Variants in CYP2B6 observed in about 807,000 individuals in gnomAD.
The protein encoded by CYP2B6 is cytochrome P450 2B6.
A neutral mutation model predicts 43.4 loss-of-function variants in CYP2B6; 35 were observed. The ratio of observed to expected loss-of-function variants is 0.81; its 90% CI spans 0.62 to 1.07. The LOEUF is 1.07. Ranked by LOEUF, CYP2B6 falls within the 50% of genes least tolerant of loss-of-function variation. The pLI, the probability that CYP2B6 is intolerant of heterozygous loss-of-function variation, is 0.00. For synonymous variants in CYP2B6, 239 were observed against 239.2 expected, an observed-to-expected ratio of 1.00 and a Z score of 0.01; for missense variants, 624 against 632.8, an observed-to-expected ratio of 0.99 and a Z score of 0.15.
intron 1 of CYP2B6, among the ~76,000 whole-genome samples, chr19:40,999,427 T>G (rs1173991978): frequency 6.6e-6 from 1 of 152,050 alleles, no homozygotes; most frequent in Non-Finnish European, 1.5e-5. Flanking sequence ...TTAGTTTAAT[T>G]AGATCCCATT....
Position 40,991,512 on chromosome 19 carries a change from G to C in CYP2B6, c.171+36G>C, listed in dbSNP as rs780768115. On this transcript the variant is annotated intron_variant, in intron 1 of 8. Transcript: ENST00000324071. ...GACGAATGGGGTCTGAGGGTGAGCT[G>C]CTTCTTGCCTTGGTACTTGGGGAAG... The C allele has an allele frequency of 1.9e-6, 3 of 1,609,820 alleles. No individual in the cohort carries two copies. The East Asian group carries it at 6.7e-5, about 36-fold the overall frequency.
intron 8 of CYP2B6, among the ~76,000 whole-genome samples, chr19:41,014,809 AGT>A (rs1323517883): frequency 6.6e-6 from 1 of 151,386 alleles, no homozygotes; most frequent in African/African-American, 2.4e-5. Context: ...AGAGAGAGAG[AGT>A]CACGTAAGGA....
chr19:41,006,991 C>A lies in CYP2B6; in HGVS notation c.571C>A (p.Gln191Lys), dbSNP rs759826195. ...SIVFGKRFHYQDQEFLKMLNL... is the reference protein window; with the variant it reads ...SIVFGKRFHYKDQEFLKMLNL... ...CGTCTTTGGAAAACGATTCCACTAC[C>A]AAGATCAAGAGTTCCTGAAGATGCT... Residue 191 changes from glutamine (Q) to lysine (K), a missense_variant, in exon 4 of 9, where the codon CAA (glutamine) becomes AAA (lysine). Gln to Lys is a moderately conservative substitution (Grantham distance 53). Coordinates refer to ENST00000324071, the MANE Select transcript of CYP2B6 (RefSeq NM_000767.5). 1.2e-6 allele frequency: 2 copies of A among 1,613,898 alleles called. No homozygotes were observed. The highest frequency in any genetic ancestry group is 1.7e-6 in the Non-Finnish European group (2 of 1,180,000).
chr19:40,996,796 A>G (rs1969005794), intron 1 of CYP2B6, among the ~76,000 whole-genome samples: 1 of 152,110 alleles, frequency 6.6e-6, no homozygotes, highest in African/African-American at 2.4e-5. Flanking sequence ...ACAGACTCTA[A>G]AGTACAAATT....
intron 6 of CYP2B6, among the ~76,000 whole-genome samples, chr19:41,011,164 G>T (rs1417039847): frequency 1.3e-5 from 2 of 151,946 alleles, no homozygotes; most frequent in Admixed American, 6.6e-5. Flanking sequence ...TACGAACTAG[G>T]TTTCACTCTT....
chr19:40,997,854 C>G (rs1156468928), intron 1 of CYP2B6, among the ~76,000 whole-genome samples: 1 of 152,070 alleles, frequency 6.6e-6, no homozygotes, highest in Non-Finnish European at 1.5e-5. Context: ...AATCCCAACA[C>G]TTTGGGAGGC....
In CYP2B6 at chr19:41,017,133, C is replaced by A; in HGVS notation, c.*306C>A. On this transcript the variant is annotated 3_prime_UTR_variant, in exon 9 of 9. Coordinates refer to ENST00000324071, the MANE Select transcript of CYP2B6 (RefSeq NM_000767.5). ...TCTCGGCTCACTGCAACCTCCACCC[C>A]CGGGGATCAAGCAACTCTCCTGCCT... The A allele has an allele frequency of 5.2e-6, 1 of 190,562 alleles. No homozygotes were observed. Among genetic ancestry groups the A allele is most frequent in the South Asian group, 1.1e-4 (1 of 9,054 alleles). The allele number at this position is 190,562 out of a possible 1,614,324, so 11.8% of individuals were successfully genotyped here. A position where few individuals can be genotyped will look rare whatever the true frequency, so the allele number is the denominator to read the frequency against.
intron 3 of CYP2B6, among the ~76,000 whole-genome samples, chr19:41,006,403 A>C (rs557685664): frequency 1.4e-3 from 206 of 145,648 alleles, no homozygotes; most frequent in African/African-American, 5.1e-3. Context: ...ATCCTTTTGA[A>C]TCAGGCTCCC....
At chr19:40,998,443 T>C (rs995392280) in intron 1 of CYP2B6, among the ~76,000 whole-genome samples, 3 of 152,030 alleles carry the variant, frequency 2.0e-5, no homozygotes, top group Non-Finnish European at 2.9e-5. Context: ...ATTATTATAC[T>C]TTAAGTTTTA....
At chr19:40,998,067 C>A (rs1452764409) in intron 1 of CYP2B6, among the ~76,000 whole-genome samples, 3 of 151,962 alleles carry the variant, frequency 2.0e-5, no homozygotes, top group East Asian at 3.9e-4. Context: ...ACGTCACTGC[C>A]CTCCAGCCTG....
At position 40,992,486 on chromosome 19, in the gene CYP2B6, G is replaced by A. The variant is rs550278614; in HGVS notation, c.171+1010G>A. 1.3e-3 allele frequency among the ~76,000 whole-genome samples: 197 copies of A among 152,156 alleles called. 2 individuals are homozygous for A. The highest frequency in any genetic ancestry group is 1.0e-2 in the South Asian group (48 of 4,824). Reference sequence around the variant, plus strand: ...TTGTTCCCACTGTAATGAGCCCACTGGATGTACAAAGAATGGCTGCATATG... The same window carrying A: ...TTGTTCCCACTGTAATGAGCCCACTAGATGTACAAAGAATGGCTGCATATG... On this transcript the variant is annotated intron_variant, in intron 1 of 8. Coordinates refer to ENST00000324071, the MANE Select transcript of CYP2B6 (RefSeq NM_000767.5).
At chr19:40,994,461 G>A (rs756068219) in intron 1 of CYP2B6, among the ~76,000 whole-genome samples, 37 of 152,084 alleles carry the variant, frequency 2.4e-4, no homozygotes, top group Non-Finnish European at 5.1e-4. Context: ...ATGCTGCGAA[G>A]GTGCATAACC....
At chr19:41,012,632 G>A (rs1599852087) in intron 7 of CYP2B6, 42 bp from the exon 8 acceptor site, 1 of 1,612,964 alleles carries the variant, frequency 6.2e-7, no homozygotes, top group African/African-American at 1.3e-5. Flanking sequence ...TGGAGGGTTG[G>A]AGGGAATGGC....
At chr19:41,001,579 T>C (rs1969088661) in intron 1 of CYP2B6, among the ~76,000 whole-genome samples, 1 of 152,154 alleles carries the variant, frequency 6.6e-6, no homozygotes, top group Non-Finnish European at 1.5e-5. Flanking sequence ...AATGAGAATG[T>C]GTGCCCCTAA....
In CYP2B6 at chr19:41,017,538, CT is replaced by C. The variant is rs1969389742; in HGVS notation, c.*712del. On this transcript the variant is annotated 3_prime_UTR_variant, in exon 9 of 9. Coordinates refer to ENST00000324071, the MANE Select transcript of CYP2B6 (RefSeq NM_000767.5). Reference sequence around the variant, plus strand: ...AGGTTCGAGTTCAGTGGTGCCATCTCTGTCCACTGCAACCTCCACATCCTGG... The same window carrying C: ...AGGTTCGAGTTCAGTGGTGCCATCTCGTCCACTGCAACCTCCACATCCTGG... The C allele has an allele frequency of 6.6e-6, 1 of 151,914 alleles. No individual in the cohort carries two copies. Among genetic ancestry groups the C allele is most frequent in the Non-Finnish European group, 1.5e-5 (1 of 68,012 alleles). 9.4% of individuals were successfully genotyped at this position (151,914 alleles called of 1,614,324 possible).
chr19:41,004,203 GT>G, intron 2 of CYP2B6, 40 bp downstream of exon 2: 1 of 1,551,900 alleles, frequency 6.4e-7, no homozygotes, highest in Non-Finnish European at 8.9e-7. Flanking sequence ...CGGGTGGGGG[GT>G]GCATCAGGGA....
rs541361104 is a variant in CYP2B6, at chr19:41,001,667, T to C, written c.172-2334T>C. 2.0e-5 allele frequency among the ~76,000 whole-genome samples: 3 copies of C among 152,276 alleles called. No homozygotes were observed. In the East Asian group the frequency reaches 5.8e-4, roughly 29 times the overall value. The stretch of plus-strand genomic sequence containing the variant: ...GCTCATTAAATGGCAACTACCTTGA[T>C]CCACTCATTCATTTATTCACGAATC... On this transcript the variant is annotated intron_variant, in intron 1 of 8. Transcript: ENST00000324071.
At chr19:41,009,952 G>A (rs776168862) in intron 5 of CYP2B6, 42 bp from the exon 6 acceptor site, 24 of 1,613,212 alleles carry the variant, frequency 1.5e-5, no homozygotes, top group Admixed American at 3.3e-5. Flanking sequence ...CAAGGCTACA[G>A]CCTCCCCTGA....
intron 3 of CYP2B6, among the ~76,000 whole-genome samples, chr19:41,006,543 C>A (rs1158404324): frequency 1.3e-5 from 2 of 151,902 alleles, no homozygotes; most frequent in Non-Finnish European, 2.9e-5. Flanking sequence ...CTCCCAGAGT[C>A]AGAGGTGGGG....
Sources: allele counts gnomAD v4.1 joint callset (sites outside exome capture counted in the v4.1 genomes callset), GRCh38; gene constraint gnomAD v4.1.1; transcripts MANE v1.5; gene names NCBI Gene and HGNC (gene_info 2026-07-23, HGNC 2026-07-21).